Variants in PTER observed in about 807,000 individuals in gnomAD.
PTER encodes N-acetyltaurine hydrolase.
A neutral mutation model predicts 29.6 loss-of-function variants in PTER; 38 were observed. That is an observed-to-expected ratio of 1.28 (90% confidence interval 0.99 to 1.68). PTER has a LOEUF of 1.68. PTER is among the 40% of genes most tolerant of loss of function. The pLI, the probability that PTER is intolerant of heterozygous loss-of-function variation, is 0.00. For missense variants in PTER, 482 were observed against 427.8 expected, an observed-to-expected ratio of 1.13 and a Z score of -1.12; for synonymous variants, 172 against 154.5, an observed-to-expected ratio of 1.11 and a Z score of -0.84.
chr10:16,448,195 T>A (rs1020111878), intron 1 of PTER, among the ~76,000 whole-genome samples: 1 of 152,212 alleles, frequency 6.6e-6, no homozygotes, highest in Non-Finnish European at 1.5e-5. Context: ...TCTGCTGTGA[T>A]TCCCCTATGG....
At chr10:16,497,032 T>C (rs1465548665) in intron 3 of PTER, among the ~76,000 whole-genome samples, 1 of 151,874 alleles carries the variant, frequency 6.6e-6, no homozygotes, top group Non-Finnish European at 1.5e-5. Context: ...CCTCCTGGGT[T>C]CCAGCAGTTC....
chr10:16,490,490 C>G (rs1172395928), intron 3 of PTER, among the ~76,000 whole-genome samples: 1 of 152,104 alleles, frequency 6.6e-6, no homozygotes, highest in East Asian at 1.9e-4. Flanking sequence ...TTACTTGGTT[C>G]ATTAATACCT....
intron 1 of PTER, among the ~76,000 whole-genome samples, chr10:16,452,620 C>G (rs1469859813): frequency 6.6e-6 from 1 of 151,150 alleles, no homozygotes; most frequent in Non-Finnish European, 1.5e-5. Context: ...TTTGTTTTCT[C>G]TCCTCCTCCT....
chr10:16,473,098 G>A (rs537783155), intron 1 of PTER, among the ~76,000 whole-genome samples: 8 of 151,246 alleles, frequency 5.3e-5, no homozygotes, highest in East Asian at 1.9e-4. Flanking sequence ...GGAATAAACC[G>A]TTTGGCTCTT....
intron 3 of PTER, among the ~76,000 whole-genome samples, chr10:16,501,421 A>G (rs1836345411): frequency 1.3e-5 from 2 of 151,788 alleles, no homozygotes; most frequent in South Asian, 4.2e-4. Context: ...AGTTGTCATG[A>G]TTACCATAGT....
chr10:16,483,807 G>A (rs1454844157), intron 1 of PTER, among the ~76,000 whole-genome samples: 2 of 151,918 alleles, frequency 1.3e-5, no homozygotes, highest in African/African-American at 2.4e-5. Context: ...AGCTGAGATC[G>A]TACCACTGCA....
intron 1 of PTER, among the ~76,000 whole-genome samples, chr10:16,465,662 A>G (rs368280946): frequency 1.5e-4 from 23 of 152,312 alleles, no homozygotes; most frequent in African/African-American, 5.3e-4. Context: ...TTGAGCAGAC[A>G]TTTATTGATC....
intron 3 of PTER, among the ~76,000 whole-genome samples, chr10:16,492,058 A>G (rs1180722449): frequency 2.0e-5 from 3 of 152,204 alleles, no homozygotes; most frequent in Admixed American, 6.5e-5. Context: ...CCATCACCTT[A>G]GGAGACCTCT....
intron 3 of PTER, among the ~76,000 whole-genome samples, chr10:16,490,148 C>T (rs1195136282): frequency 6.6e-6 from 1 of 152,184 alleles, no homozygotes; most frequent in African/African-American, 2.4e-5. Context: ...GCCTATACTT[C>T]CGCAGAATCA....
intron 1 of PTER, among the ~76,000 whole-genome samples, chr10:16,453,994 C>A (rs1370139163): frequency 1.3e-5 from 2 of 152,254 alleles, no homozygotes; most frequent in East Asian, 3.9e-4. Flanking sequence ...GTGCTTCTGG[C>A]ATATCAGCTG....
At chr10:16,453,212 G>A (rs1377157437) in intron 1 of PTER, among the ~76,000 whole-genome samples, 1 of 152,070 alleles carries the variant, frequency 6.6e-6, no homozygotes, top group East Asian at 1.9e-4. Flanking sequence ...CACTGCACCT[G>A]GCCAGGTTAT....
At chr10:16,508,169 C>T (rs948793780) in intron 4 of PTER, among the ~76,000 whole-genome samples, 5 of 150,206 alleles carry the variant, frequency 3.3e-5, no homozygotes, top group South Asian at 4.2e-4. Context: ...CCCAGGTTCA[C>T]GCCATTCTCC....
At chr10:16,447,690 G>T (rs986923874) in intron 1 of PTER, among the ~76,000 whole-genome samples, 1 of 151,968 alleles carries the variant, frequency 6.6e-6, no homozygotes, top group African/African-American at 2.4e-5. Context: ...ATAAGGTCTT[G>T]GTCCATATTC....
At chr10:16,489,691 T>C (rs1835828993) in intron 3 of PTER, among the ~76,000 whole-genome samples, 1 of 152,220 alleles carries the variant, frequency 6.6e-6, no homozygotes, top group Non-Finnish European at 1.5e-5. Context: ...TTTTGAAATG[T>C]ACAGTTCAGT....
At chr10:16,492,890 T>G (rs113940119) in intron 3 of PTER, among the ~76,000 whole-genome samples, 2 of 152,234 alleles carry the variant, frequency 1.3e-5, no homozygotes, top group Non-Finnish European at 2.9e-5. Flanking sequence ...TTTAGGGAAC[T>G]GGCCGACAGC....
At chr10:16,487,312 A>G (rs954280888) in intron 3 of PTER, among the ~76,000 whole-genome samples, 2 of 152,160 alleles carry the variant, frequency 1.3e-5, no homozygotes, top group Non-Finnish European at 2.9e-5. Context: ...GGCTGCAGGG[A>G]GAATCTTTCC....
chr10:16,484,622 A>G lies in PTER; in HGVS notation c.238A>G (p.Ile80Val). ...TCAATTAAATCAGGAGACAGAAGCC[A>G]TAAAGGAAGAACTGTTGTATTTTAA... ...NLQLNQETEA[I>V]KEELLYFKAN... is the part of the protein sequence containing the mutation. The change falls in exon 2 of 5, where the codon ATA becomes GTA. Residue 80 changes from isoleucine (I) to valine (V), a missense_variant. Physicochemically the swap from Ile to Val is conservative, Grantham distance 29. Coordinates refer to ENST00000535784, the MANE Select transcript of PTER (RefSeq NM_001261836.2). 11 of 1,614,208 alleles carry G rather than the reference A, an allele frequency of 6.8e-6. No individual in the cohort carries two copies. Among genetic ancestry groups the G allele is most frequent in the African/African-American group, 2.7e-5 (2 of 75,064 alleles).
Position 16,447,101 on chromosome 10 carries a change from CT to C in PTER, c.-49+10071del, listed in dbSNP as rs71374690. On this transcript the variant is annotated intron_variant, in intron 1 of 4. Coordinates refer to ENST00000535784, the MANE Select transcript of PTER (RefSeq NM_001261836.2). ...AGCATACCCGGCCTTTTTTTCTTTTCTTTTTTTTTTTTTTTTTGAGTCAGAG... is the reference window on the plus strand; with the variant it reads ...AGCATACCCGGCCTTTTTTTCTTTTCTTTTTTTTTTTTTTTTGAGTCAGAG... 1.5e-3 allele frequency among the ~76,000 whole-genome samples: 190 copies of C among 124,592 alleles called. 1 individual carries two copies. In the East Asian group the frequency reaches 0.026, roughly 17 times the overall value. The allele number at this position is 124,592 out of a possible 152,430, so 81.7% of individuals were successfully genotyped here.
chr10:16,483,996 G>T (rs1229331395), intron 1 of PTER, among the ~76,000 whole-genome samples: 1 of 152,062 alleles, frequency 6.6e-6, no homozygotes, highest in Non-Finnish European at 1.5e-5. Context: ...AATTACTGTT[G>T]ATTTATCCAA....
Sources: gnomAD v4.1 joint callset for allele counts (sites outside exome capture counted in the v4.1 genomes callset) on GRCh38, gnomAD v4.1.1 for gene constraint, MANE v1.5 for transcripts, NCBI Gene and HGNC (gene_info 2026-07-23, HGNC 2026-07-21) for gene names.